Variants in TYW1 observed in about 807,000 individuals in gnomAD.
The protein encoded by TYW1 is tRNA-yW synthesizing protein 1 homolog, also known as S-adenosyl-L-methionine-dependent tRNA 4-demethylwyosine synthase TYW1.
In TYW1, 46 loss-of-function variants were observed where a neutral mutation model predicts 96.2. The observed-to-expected ratio is 0.48, with a 90% confidence interval of 0.38 to 0.61. TYW1 has a LOEUF of 0.61. TYW1 is among the 20% of genes least tolerant of loss of function. The pLI is 0.00. For synonymous variants in TYW1, 274 were observed against 323.0 expected (o/e 0.85, Z 1.63); for missense variants, 684 against 909.6 (o/e 0.75, Z 3.19).
Position 67,047,821 on chromosome 7 carries a change from T to C in TYW1, c.985-2128T>C, listed in dbSNP as rs561795316. ...TTTTTTTTTTTTTTGAGGCAGAGTC[T>C]CTGTCGCCCAGGCTGGAGTGCAGTG... On this transcript the variant is annotated intron_variant, in intron 7 of 15. Transcript: ENST00000359626. Among the ~76,000 whole-genome samples, 10 of 138,610 alleles carry C rather than the reference T, an allele frequency of 7.2e-5. No homozygotes were observed. In the South Asian group the frequency reaches 2.4e-3, roughly 33 times the overall value. 90.9% of individuals were successfully genotyped at this position (138,610 alleles called of 152,430 possible).
intron 8 of TYW1, among the ~76,000 whole-genome samples, chr7:67,052,540 G>A (rs1038048683): frequency 2.4e-4 from 37 of 151,956 alleles, no homozygotes; most frequent in Non-Finnish European, 4.0e-4. Context: ...ACCTTTTTGA[G>A]CCTATAGAAA....
chr7:67,135,360 A>G (rs1246295960), intron 13 of TYW1, among the ~76,000 whole-genome samples: 3 of 129,220 alleles, frequency 2.3e-5, no homozygotes, highest in Admixed American at 1.6e-4. Flanking sequence ...GCTGGAGTAC[A>G]GTGGCATGAT....
At chr7:67,072,340 G>A (rs1269347021) in intron 10 of TYW1, among the ~76,000 whole-genome samples, 13 of 148,076 alleles carry the variant, frequency 8.8e-5, no homozygotes, top group South Asian at 2.1e-4. Context: ...TCCACCTCCT[G>A]GGTTCACACC....
At chr7:67,006,276 T>C (rs1793583762) in intron 3 of TYW1, among the ~76,000 whole-genome samples, 2 of 152,188 alleles carry the variant, frequency 1.3e-5, no homozygotes, top group South Asian at 4.1e-4. Context: ...GTTCCTGCCA[T>C]GTCATGTGCC....
At chr7:67,039,090 TC>T (rs34723299) in intron 7 of TYW1, among the ~76,000 whole-genome samples, 30 of 152,186 alleles carry the variant, frequency 2.0e-4, no homozygotes, top group Non-Finnish European at 3.8e-4. Context: ...AACTTGTACT[TC>T]CATGTGGCCA....
chr7:67,048,733 A>G (rs1246261701), intron 7 of TYW1, among the ~76,000 whole-genome samples: 3 of 152,226 alleles, frequency 2.0e-5, no homozygotes, highest in Admixed American at 6.5e-5. Context: ...TTTTTATATT[A>G]TCCTTTGGAT....
intron 15 of TYW1, among the ~76,000 whole-genome samples, chr7:67,195,715 G>C (rs1317109097): frequency 6.6e-6 from 1 of 152,064 alleles, no homozygotes; most frequent in Non-Finnish European, 1.5e-5. Flanking sequence ...CAATATTGTG[G>C]TATCTATCAA....
chr7:67,114,191 GT>G (rs1015274865), intron 12 of TYW1: 24 of 153,006 alleles, frequency 1.6e-4, no homozygotes, highest in Admixed American at 1.4e-3. Flanking sequence ...GCCTCAGATT[GT>G]CTTAGAGATT....
At chr7:67,094,651 A>AGG (rs745340578) in intron 11 of TYW1, among the ~76,000 whole-genome samples, 12,388 of 141,698 alleles carry the variant, frequency 0.087, 758 homozygotes, top group African/African-American at 0.18. Flanking sequence ...AGAGAATTAG[A>AGG]GTGTGTGTGT....
chr7:67,009,926 G>A (rs1463660080), intron 4 of TYW1, among the ~76,000 whole-genome samples: 1 of 151,980 alleles, frequency 6.6e-6, no homozygotes, highest in African/African-American at 2.4e-5. Flanking sequence ...CAGGGCTAGA[G>A]GTGAGAAAGC....
chr7:67,122,613 C>A (rs1431915813), intron 13 of TYW1, among the ~76,000 whole-genome samples: 1 of 152,144 alleles, frequency 6.6e-6, no homozygotes, highest in African/African-American at 2.4e-5. Flanking sequence ...AAATTTAATT[C>A]CATCTTATAT....
intron 13 of TYW1, among the ~76,000 whole-genome samples, chr7:67,158,824 G>T (rs1399134949): frequency 6.6e-6 from 1 of 152,150 alleles, no homozygotes; most frequent in Non-Finnish European, 1.5e-5. Context: ...GCCCGCCTCA[G>T]CCTCCCAAAG....
At chr7:67,157,666 T>C (rs1799027135) in intron 13 of TYW1, among the ~76,000 whole-genome samples, 1 of 152,232 alleles carries the variant, frequency 6.6e-6, no homozygotes, top group South Asian at 2.1e-4. Flanking sequence ...CCTTTTATAT[T>C]CCAGGATCCC....
chr7:67,141,867 C>G (rs1392026960), intron 13 of TYW1, among the ~76,000 whole-genome samples: 2 of 152,134 alleles, frequency 1.3e-5, no homozygotes, highest in Non-Finnish European at 2.9e-5. Context: ...GAGACGCCCT[C>G]TCTACTAAAA....
intron 15 of TYW1, among the ~76,000 whole-genome samples, chr7:67,235,893 CAAA>C (rs548873963): frequency 2.9e-5 from 2 of 69,552 alleles, no homozygotes. Flanking sequence ...GACTCTGTCT[CAAA>C]AAAAAAAAAA....
chr7:67,168,669 C>A (rs951582365), intron 13 of TYW1, among the ~76,000 whole-genome samples: 3 of 152,136 alleles, frequency 2.0e-5, no homozygotes, highest in African/African-American at 7.2e-5. Flanking sequence ...AATAGTACCT[C>A]ATTCCTAGTA....
intron 1 of TYW1, among the ~76,000 whole-genome samples, chr7:66,997,411 G>A (rs1297351739): frequency 3.3e-5 from 5 of 152,112 alleles, no homozygotes; most frequent in Non-Finnish European, 2.9e-5. Context: ...AGTAAAAAGA[G>A]TGCTTTTACT....
chr7:67,177,086 G>C (rs1185759593), intron 13 of TYW1, among the ~76,000 whole-genome samples: 2 of 152,174 alleles, frequency 1.3e-5, no homozygotes, highest in African/African-American at 4.8e-5. Context: ...TTAGATCAGT[G>C]GAACAGAATA....
rs547236776 is a variant in TYW1, at chr7:67,073,806, G to A, written c.1274+6403G>A. Reference sequence around the variant, plus strand: ...AAAAAAAAAAAAAGAAATATGGCCAGGCGCGGTTGCTCACGCCCATAATCC... The same window carrying A: ...AAAAAAAAAAAAAGAAATATGGCCAAGCGCGGTTGCTCACGCCCATAATCC... On this transcript the variant is annotated intron_variant, in intron 10 of 15. Coordinates refer to ENST00000359626, the MANE Select transcript of TYW1 (RefSeq NM_018264.4). 2.0e-5 allele frequency among the ~76,000 whole-genome samples: 3 copies of A among 147,318 alleles called. No individual in the cohort carries two copies. In the South Asian group the frequency reaches 6.4e-4, roughly 31 times the overall value.
Sources: allele counts gnomAD v4.1 joint callset (sites outside exome capture counted in the v4.1 genomes callset), GRCh38; gene constraint gnomAD v4.1.1; transcripts MANE v1.5; gene names NCBI Gene and HGNC (gene_info 2026-07-23, HGNC 2026-07-21).